The following ANO4 variants were observed in gnomAD, a reference collection of about 807,000 sequenced individuals.
ANO4 encodes the protein anoctamin-4.
Under a neutral mutation model 141.9 loss-of-function variants are expected in ANO4, and 69 were observed. The ratio of observed to expected loss-of-function variants is 0.49; its 90% CI spans 0.40 to 0.59. The LOEUF (loss-of-function observed/expected upper bound fraction) is 0.59. Among genes scored for constraint, ANO4 ranks in the 20% least tolerant of loss-of-function variants. The pLI is 0.00. For missense variants in ANO4, 894 were observed against 1,162.2 expected (o/e 0.77, Z 3.36); for synonymous variants, 350 against 394.3 (o/e 0.89, Z 1.33).
At chr12:101,100,291 T>C (rs1332278310) in intron 22 of ANO4, among the ~76,000 whole-genome samples, 1 of 152,198 alleles carries the variant, frequency 6.6e-6, no homozygotes, top group Non-Finnish European at 1.5e-5. Context: ...AATATGTATA[T>C]ATTTCCTTTC....
rs150830954 is a variant in ANO4 at position 100,724,842 on chromosome 12, T to C, written c.22+7295T>C. 2.2e-4 allele frequency among the ~76,000 whole-genome samples: 33 copies of C among 152,312 alleles called. No homozygotes were observed. In the East Asian group the frequency reaches 4.4e-3, roughly 21 times the overall value. ...TGAATATTAACTTACACAGCAAACA[T>C]GGACTAAATCAACACATTGATATTT... is the stretch of plus-strand genomic sequence containing the variant. On this transcript the variant is annotated intron_variant, in intron 1 of 29. Transcript: ENST00000644049.
chr12:100,721,331 G>T (rs58939399), intron 1 of ANO4, among the ~76,000 whole-genome samples: 1 of 152,328 alleles, frequency 6.6e-6, no homozygotes, highest in African/African-American at 2.4e-5. Context: ...AGCTGGAGGA[G>T]ACAGACTCCT....
intron 3 of ANO4, among the ~76,000 whole-genome samples, chr12:100,761,985 T>G (rs2032879527): frequency 6.6e-6 from 1 of 152,170 alleles, no homozygotes; most frequent in African/African-American, 2.4e-5. Context: ...TGACCTCTCC[T>G]GCCCTCCAGT....
intron 2 of ANO4, among the ~76,000 whole-genome samples, chr12:100,921,586 T>C (rs1212505212): frequency 6.6e-6 from 1 of 152,170 alleles, no homozygotes; most frequent in African/African-American, 2.4e-5. Flanking sequence ...TTCTTTGACT[T>C]CCTTAAATGT....
At chr12:100,912,002 G>A (rs78529540) in intron 2 of ANO4, among the ~76,000 whole-genome samples, 5,313 of 152,184 alleles carry the variant, frequency 0.035, 134 homozygotes, top group Non-Finnish European at 0.05. Context: ...AGTCTGTGAG[G>A]TGGAATTATG....
At chr12:101,050,358 T>G (rs2047808943) in intron 14 of ANO4, among the ~76,000 whole-genome samples, 1 of 152,208 alleles carries the variant, frequency 6.6e-6, no homozygotes, top group African/African-American at 2.4e-5. Flanking sequence ...CCTGCCTCCC[T>G]TGGTGGACCT....
chr12:100,869,378 A>G (rs2038921148), intron 1 of ANO4, among the ~76,000 whole-genome samples: 1 of 152,182 alleles, frequency 6.6e-6, no homozygotes, highest in Admixed American at 6.5e-5. Context: ...GATAGGAATG[A>G]GTCCTGAGGG....
At chr12:100,866,301 G>A (rs1031514003) in intron 1 of ANO4, among the ~76,000 whole-genome samples, 1 of 152,102 alleles carries the variant, frequency 6.6e-6, no homozygotes, top group Non-Finnish European at 1.5e-5. Context: ...GGGAATAAAG[G>A]AATAATGGAA....
At chr12:101,084,452 A>G (rs1407195219) in intron 16 of ANO4, among the ~76,000 whole-genome samples, 1 of 152,212 alleles carries the variant, frequency 6.6e-6, no homozygotes, top group South Asian at 2.1e-4. Flanking sequence ...ACTGAACAAA[A>G]CATATGCAGA....
intron 16 of ANO4, among the ~76,000 whole-genome samples, chr12:101,085,856 C>T (rs2049471123): frequency 6.6e-6 from 1 of 152,128 alleles, no homozygotes; most frequent in Non-Finnish European, 1.5e-5. Context: ...GCAAAAAAGA[C>T]TCCTTCCCTG....
At chr12:100,982,668 C>T (rs1324832442) in intron 7 of ANO4, among the ~76,000 whole-genome samples, 1 of 152,192 alleles carries the variant, frequency 6.6e-6, no homozygotes, top group Non-Finnish European at 1.5e-5. Flanking sequence ...TTGCCTTGTT[C>T]TATGGATTCT....
chr12:100,972,369 G>A (rs1592885548), intron 6 of ANO4, among the ~76,000 whole-genome samples: 1 of 152,178 alleles, frequency 6.6e-6, no homozygotes, highest in Non-Finnish European at 1.5e-5. Flanking sequence ...TCACAGGCTT[G>A]TAATGTATCT....
chr12:100,966,619 CTT>C lies in ANO4; in HGVS notation c.457-4686_457-4685del, dbSNP rs1289128492. 5.3e-5 allele frequency among the ~76,000 whole-genome samples: 8 copies of C among 152,082 alleles called. No individual in the cohort carries two copies. The East Asian group carries it at 5.8e-4, about 11-fold the overall frequency. On this transcript the variant is annotated intron_variant, in intron 5 of 27. Coordinates refer to ENST00000392977, the MANE Select transcript of ANO4 (RefSeq NM_001286615.2). ...ATTTGTCTAACTACCCACAAGACAT[CTT>C]CTCCTGGGCATGTCAAACTTAACTT...
intron 3 of ANO4, among the ~76,000 whole-genome samples, chr12:100,773,304 G>A (rs954638350): frequency 4.6e-5 from 7 of 152,260 alleles, no homozygotes; most frequent in Admixed American, 2.0e-4. Flanking sequence ...TTTATGTTCT[G>A]TCTTATTTCT....
chr12:100,805,477 A>G (rs1443997062), intron 1 of ANO4, among the ~76,000 whole-genome samples: 1 of 152,124 alleles, frequency 6.6e-6, no homozygotes, highest in Admixed American at 6.5e-5. Context: ...GTTTTTTCTA[A>G]TTTTGTGAAG....
chr12:100,904,461 G>A (rs1459674443), intron 2 of ANO4, among the ~76,000 whole-genome samples: 3 of 152,168 alleles, frequency 2.0e-5, no homozygotes, highest in African/African-American at 7.2e-5. Context: ...AGGGTAGGCT[G>A]AGTCACGAAG....
At position 100,935,385 on chromosome 12, in the gene ANO4, G is replaced by A. The variant is rs2042244642; in HGVS notation, c.161-3930G>A. On this transcript the variant is annotated intron_variant, in intron 3 of 27. Transcript: ENST00000392977. Reference sequence around the variant, plus strand: ...TTGTCGTTGATTCTGTTTATGTGATGGATTAAGTTTATTGTTTTGCATATG... The same window carrying A: ...TTGTCGTTGATTCTGTTTATGTGATAGATTAAGTTTATTGTTTTGCATATG... Among the ~76,000 whole-genome samples, 5 of 152,112 alleles carry A rather than the reference G, an allele frequency of 3.3e-5. No individual in the cohort carries two copies. In the South Asian group the frequency reaches 1.0e-3, roughly 31 times the overall value.
intron 8 of ANO4, among the ~76,000 whole-genome samples, chr12:101,017,722 G>A (rs964836632): frequency 4.6e-5 from 7 of 152,158 alleles, no homozygotes; most frequent in South Asian, 2.1e-4. Flanking sequence ...GTGACGTTGG[G>A]TGCATCACTT....
intron 3 of ANO4, among the ~76,000 whole-genome samples, chr12:100,765,665 C>T (rs1247023071): frequency 6.7e-6 from 1 of 148,488 alleles, no homozygotes; most frequent in Non-Finnish European, 1.5e-5. Flanking sequence ...TGTGAGCTAC[C>T]ACGCCTGGCC....
Sources: allele counts gnomAD v4.1 joint callset (sites outside exome capture counted in the v4.1 genomes callset), GRCh38; gene constraint gnomAD v4.1.1; transcripts MANE v1.5; gene names NCBI Gene and HGNC (gene_info 2026-07-23, HGNC 2026-07-21).